Variants in CACNA1E observed in about 807,000 individuals in gnomAD.
CACNA1E encodes the protein voltage-dependent R-type calcium channel subunit alpha-1E.
Under a neutral mutation model 259.2 loss-of-function variants are expected in CACNA1E, and 40 were observed. The observed-to-expected ratio is 0.15, with a 90% CI of 0.12 to 0.20. CACNA1E has a LOEUF of 0.20. Among genes scored for constraint, CACNA1E ranks in the 10% least tolerant of loss-of-function variants. The pLI is 1.00. For synonymous variants in CACNA1E, 1,104 were observed against 1,138.5 expected, an observed-to-expected ratio of 0.97 and a Z score of 0.61; for missense variants, 1,874 against 3,040.1, an observed-to-expected ratio of 0.62 and a Z score of 9.02.
At chr1:181,524,105 C>T (rs1667177204) in intron 3 of CACNA1E, among the ~76,000 whole-genome samples, 1 of 152,240 alleles carries the variant, frequency 6.6e-6, no homozygotes. Context: ...AGTTAGGTTG[C>T]TCATGCAGAG....
At chr1:181,362,872 C>A (rs1252925230) in intron 1 of CACNA1E, among the ~76,000 whole-genome samples, 1 of 152,246 alleles carries the variant, frequency 6.6e-6, no homozygotes, top group Non-Finnish European at 1.5e-5. Context: ...TTGCCTTGGG[C>A]TGACCTGACC....
At chr1:181,609,925 A>G (rs545408318) in intron 6 of CACNA1E, among the ~76,000 whole-genome samples, 82 of 152,334 alleles carry the variant, frequency 5.4e-4, no homozygotes, top group African/African-American at 1.9e-3. Flanking sequence ...AACTCCCAGC[A>G]TATTGGCTGG....
intron 1 of CACNA1E, among the ~76,000 whole-genome samples, chr1:181,497,304 A>T (rs555965834): frequency 6.6e-6 from 1 of 152,362 alleles, no homozygotes; most frequent in South Asian, 2.1e-4. Context: ...AATAGATTCT[A>T]GGAAATTAGA....
intron 25 of CACNA1E, among the ~76,000 whole-genome samples, chr1:181,741,037 T>A (rs1656523441): frequency 6.6e-6 from 1 of 152,218 alleles, no homozygotes; most frequent in Non-Finnish European, 1.5e-5. Flanking sequence ...TTTTAAAAGG[T>A]CAAGTTCCCT....
At position 181,766,593 on chromosome 1, in the gene CACNA1E, T is replaced by C; in HGVS notation, c.4863T>C (p.Tyr1621=). The C allele has an allele frequency of 6.2e-7, 1 of 1,613,238 alleles. No homozygotes were observed. Among genetic ancestry groups the C allele is most frequent in the South Asian group, 1.1e-5 (1 of 90,986 alleles). ...CLLIAMLFFI[Y]AIIGMQVFGN... ...TAATTGCCATGCTTTTCTTCATTTA[T>C]GCCATCATTGGGATGCAGGTGAGCT... Residue 1621 remains tyrosine, a synonymous_variant, in exon 35 of 48, where the codon TAT becomes TAC. Coordinates refer to ENST00000367573, the MANE Select transcript of CACNA1E (RefSeq NM_001205293.3).
At chr1:181,767,845 C>T (rs1256972639) in intron 35 of CACNA1E, among the ~76,000 whole-genome samples, 1 of 152,178 alleles carries the variant, frequency 6.6e-6, no homozygotes, top group African/African-American at 2.4e-5. Context: ...TTGTAACGTT[C>T]ATGAAGTCCT....
intron 3 of CACNA1E, among the ~76,000 whole-genome samples, chr1:181,574,120 C>T (rs576094857): frequency 6.6e-6 from 1 of 152,244 alleles, no homozygotes; most frequent in South Asian, 2.1e-4. Context: ...ACACTGGGGC[C>T]TCTCACGGGT....
Position 181,776,693 on chromosome 1 carries a change from C to G in CACNA1E, c.5267+465C>G, listed in dbSNP as rs1660003296. Reference sequence around the variant, plus strand: ...AACTCTGAAATTATTTTTTAAAAACCAAACAAGTTGTTCTTCCAACTGTTC... The same window carrying G: ...AACTCTGAAATTATTTTTTAAAAACGAAACAAGTTGTTCTTCCAACTGTTC... On this transcript the variant is annotated intron_variant, in intron 38 of 47. Transcript: ENST00000367573. This position sits in a 1 kb window ranked among gnomAD's most constrained non-coding sequence, Gnocchi z 4.4. 6.6e-6 allele frequency among the ~76,000 whole-genome samples: 1 copy of G among 152,172 alleles called. No individual in the cohort carries two copies.
chr1:181,331,310 A>G (rs1286822704), intron 1 of CACNA1E, among the ~76,000 whole-genome samples: 1 of 152,136 alleles, frequency 6.6e-6, no homozygotes, highest in Admixed American at 6.5e-5. Context: ...ACGGAGGCTG[A>G]GAAGGCCCAT....
chr1:181,423,803 T>C (rs963872770), intron 2 of CACNA1E, among the ~76,000 whole-genome samples: 7 of 152,164 alleles, frequency 4.6e-5, no homozygotes, highest in African/African-American at 1.7e-4. Context: ...TACAGGAATC[T>C]GTGGAACCAC....
intron 1 of CACNA1E, among the ~76,000 whole-genome samples, chr1:181,370,005 C>G (rs1013994961): frequency 6.6e-6 from 1 of 151,934 alleles, no homozygotes; most frequent in Non-Finnish European, 1.5e-5. Context: ...TTCTTTGTGT[C>G]CATGTGTACT....
intron 3 of CACNA1E, among the ~76,000 whole-genome samples, chr1:181,546,258 G>C (rs1647457419): frequency 6.6e-6 from 1 of 152,166 alleles, no homozygotes; most frequent in Admixed American, 6.5e-5. Context: ...CTGAAAGTTA[G>C]GAGCCCTGGG....
intron 3 of CACNA1E, among the ~76,000 whole-genome samples, chr1:181,559,412 G>A (rs930502360): frequency 2.6e-5 from 4 of 152,272 alleles, no homozygotes; most frequent in South Asian, 2.1e-4. Context: ...TGATAGTTGG[G>A]CACTTCGTTT....
At chr1:181,737,370 G>A (rs1372336568) in intron 22 of CACNA1E, among the ~76,000 whole-genome samples, 155 bp from the exon 23 acceptor site, 1 of 152,206 alleles carries the variant, frequency 6.6e-6, no homozygotes, top group Non-Finnish European at 1.5e-5. Context: ...TTAAATCAAG[G>A]GTGGTGGCTG....
intron 1 of CACNA1E, among the ~76,000 whole-genome samples, chr1:181,406,245 A>G (rs149393677): frequency 1.1e-4 from 17 of 152,314 alleles, no homozygotes; most frequent in Non-Finnish European, 2.1e-4. Flanking sequence ...TATTTTATTA[A>G]GCTATAGATA....
intron 18 of CACNA1E, among the ~76,000 whole-genome samples, chr1:181,728,013 G>T (rs541767965): frequency 6.6e-6 from 1 of 152,154 alleles, no homozygotes. Flanking sequence ...GTGAGTGAAA[G>T]AGAAAAATTC....
At chr1:181,549,849 C>A (rs1033377486) in intron 3 of CACNA1E, among the ~76,000 whole-genome samples, 1 of 152,210 alleles carries the variant, frequency 6.6e-6, no homozygotes, top group Non-Finnish European at 1.5e-5. Flanking sequence ...TGGAGCATGG[C>A]GGAGAGTGGG....
chr1:181,684,992 A>G (rs1469473426), intron 7 of CACNA1E, among the ~76,000 whole-genome samples: 1 of 151,522 alleles, frequency 6.6e-6, no homozygotes, highest in Non-Finnish European at 1.5e-5. Context: ...GGGGGGCTTA[A>G]TATATTGTAA....
At chr1:181,452,938 T>C (rs956154028) in intron 2 of CACNA1E, among the ~76,000 whole-genome samples, 2 of 152,186 alleles carry the variant, frequency 1.3e-5, no homozygotes, top group African/African-American at 4.8e-5. Flanking sequence ...AGTATAAACA[T>C]TTACCAGCTT....
Sources: gnomAD v4.1 joint callset for allele counts (sites outside exome capture counted in the v4.1 genomes callset) on GRCh38, gnomAD v4.1.1 for gene constraint, Gnocchi (gnomAD v3.1) non-coding constraint, MANE v1.5 for transcripts, NCBI Gene and HGNC (gene_info 2026-07-23, HGNC 2026-07-21) for gene names.